PGAP1: variants seen among roughly 807,000 people sequenced by gnomAD.
PGAP1 encodes the protein post-GPI attachment to proteins inositol deacylase 1.
Under a neutral mutation model 127.0 loss-of-function variants are expected in PGAP1, and 76 were observed. The observed-to-expected ratio is 0.60, with a 90% CI of 0.50 to 0.72. The LOEUF (loss-of-function observed/expected upper bound fraction) is 0.72. Among genes scored for constraint, PGAP1 ranks in the 30% least tolerant of loss-of-function variants. The pLI, the probability that PGAP1 is intolerant of heterozygous loss-of-function variation, is 0.00. For synonymous variants in PGAP1, 362 were observed against 366.5 expected (o/e 0.99, Z 0.14); for missense variants, 982 against 1,071.3 (o/e 0.92, Z 1.16).
chr2:196,852,674 G>C (rs374722412), intron 20 of PGAP1, among the ~76,000 whole-genome samples: 5 of 152,146 alleles, frequency 3.3e-5, no homozygotes, highest in African/African-American at 1.2e-4. Context: ...AAACAAGATA[G>C]AAAGGAACCA....
At position 196,898,379 on chromosome 2, in the gene PGAP1, A is replaced by C; in HGVS notation, c.808-10T>G. 6.3e-7 allele frequency: 1 copy of C among 1,598,294 alleles called. No homozygotes were observed. The highest frequency in any genetic ancestry group is 8.6e-7 in the Non-Finnish European group (1 of 1,169,570). ...TAGGCACTGCTGAACTCTAAAAGAA[A>C]AGAAAAAAATAAACTTACGAAAAGC... On this transcript the variant is annotated splice_polypyrimidine_tract_variant and intron_variant, in intron 5 of 26. Coordinates refer to ENST00000354764, the MANE Select transcript of PGAP1 (RefSeq NM_024989.4).
At chr2:196,887,683 G>A (rs1020408068) in intron 10 of PGAP1, among the ~76,000 whole-genome samples, 26 of 152,106 alleles carry the variant, frequency 1.7e-4, no homozygotes, top group Non-Finnish European at 2.5e-4. Context: ...GATGAATCAG[G>A]CAGACATAGT....
chr2:196,858,706 C>T (rs553746136), intron 20 of PGAP1, among the ~76,000 whole-genome samples: 2 of 151,744 alleles, frequency 1.3e-5, no homozygotes, highest in East Asian at 3.9e-4. Flanking sequence ...GAAATTGAGA[C>T]TGAAAAAAAT....
Position 196,840,489 on chromosome 2 carries a change from T to C in PGAP1, c.*745A>G, listed in dbSNP as rs1436865220. The C allele has an allele frequency of 2.0e-5, 3 of 152,184 alleles. No individual in the cohort carries two copies. The highest frequency in any genetic ancestry group is 7.2e-5 in the African/African-American group (3 of 41,452). 9.4% of individuals were successfully genotyped at this position (152,184 alleles called of 1,614,324 possible). On this transcript the variant is annotated 3_prime_UTR_variant, in exon 27 of 27. Transcript: ENST00000354764. ...AGGAAGCAAATAGCTACGAGCATTT[T>C]TTCTTTACATTTAACAGCAGACCTC... is the stretch of plus-strand genomic sequence containing the variant.
chr2:196,834,788 C>T lies in PGAP1; in HGVS notation c.*6446G>A, dbSNP rs531541665. 6.6e-6 allele frequency: 1 copy of T among 151,922 alleles called. No homozygotes were observed. The highest frequency in any genetic ancestry group is 6.5e-5 in the Admixed American group (1 of 15,268). 9.4% of individuals were successfully genotyped at this position (151,922 alleles called of 1,614,324 possible). ...ATGATTATGTTAAATACAGGCATCT[C>T]CTACTTAGAATACAATTATTCAACA... On this transcript the variant is annotated 3_prime_UTR_variant, in exon 27 of 27. Coordinates refer to ENST00000354764, the MANE Select transcript of PGAP1 (RefSeq NM_024989.4).
In PGAP1 at chr2:196,840,939, A is replaced by C. The variant is rs550100039; in HGVS notation, c.*295T>G. 4.5e-4 allele frequency: 109 copies of C among 241,426 alleles called. No individual in the cohort carries two copies. The highest frequency in any genetic ancestry group is 7.4e-4 in the Non-Finnish European group (94 of 126,738). 15.0% of individuals were successfully genotyped at this position (241,426 alleles called of 1,614,324 possible). Reference sequence around the variant, plus strand: ...ATCTCTCATATCAGACTTCTCGTACAGTTGATAAAACAGACTATTTTATAT... The same window carrying C: ...ATCTCTCATATCAGACTTCTCGTACCGTTGATAAAACAGACTATTTTATAT... On this transcript the variant is annotated 3_prime_UTR_variant, in exon 27 of 27. Transcript: ENST00000354764.
intron 20 of PGAP1, among the ~76,000 whole-genome samples, chr2:196,862,034 C>G (rs1384639472): frequency 2.0e-5 from 3 of 151,740 alleles, no homozygotes; most frequent in African/African-American, 7.3e-5. Flanking sequence ...GAAAAAAGAA[C>G]AGGATAACAG....
At position 196,926,493 on chromosome 2, in the gene PGAP1, T is replaced by C. The variant is rs772948939; in HGVS notation, c.124A>G (p.Met42Val). The C allele has an allele frequency of 1.9e-6, 3 of 1,614,062 alleles. No homozygotes were observed. Among genetic ancestry groups the C allele is most frequent in the Non-Finnish European group, 2.5e-6 (3 of 1,179,992 alleles). ...ACCTGATACTCCGGGTACTCAAACA[T>C]GTAGCTCATACTGCACTTATTCTCC... Reference protein sequence around the residue: ...FEENKCSMSYMFEYPEYQKIE... With the variant: ...FEENKCSMSYVFEYPEYQKIE... The change falls in exon 1 of 27, where the codon ATG (methionine) becomes GTG (valine). Residue 42 changes from methionine to valine, a missense_variant. Physicochemically the swap from Met to Val is conservative, Grantham distance 21. Coordinates refer to ENST00000354764, the MANE Select transcript of PGAP1 (RefSeq NM_024989.4).
intron 20 of PGAP1, 139 bp from the exon 21 acceptor site, chr2:196,848,176 G>C (rs574690886): frequency 1.1e-5 from 5 of 434,854 alleles, no homozygotes; most frequent in African/African-American, 4.1e-5. Flanking sequence ...GACTCTTCTT[G>C]AAAGATTAAA....
Position 196,873,721 on chromosome 2 carries a change from G to A in PGAP1, c.1464C>T (p.Gly488=). The A allele has an allele frequency of 6.2e-7, 1 of 1,611,646 alleles. No individual in the cohort carries two copies. Among genetic ancestry groups the A allele is most frequent in the South Asian group, 1.1e-5 (1 of 90,980 alleles). The part of the protein sequence containing the change: ...SSRKVVLNTN[G]LYYNLELLNF... ...TCAGAAGCTCTAGATTGTAGTATAG[G>A]CCATTTGTATTTAACACCACTTTCC... The change falls in exon 15 of 27, where the codon GGC becomes GGT. Residue 488 remains glycine (G), a synonymous_variant. Coordinates refer to ENST00000354764, the MANE Select transcript of PGAP1 (RefSeq NM_024989.4).
chr2:196,874,965 G>A (rs566868172), intron 14 of PGAP1, among the ~76,000 whole-genome samples: 6 of 152,238 alleles, frequency 3.9e-5, no homozygotes, highest in African/African-American at 9.6e-5. Flanking sequence ...GCAGTGAGCT[G>A]GGATCATGCC....
intron 20 of PGAP1, among the ~76,000 whole-genome samples, chr2:196,849,689 A>G (rs375428987): frequency 2.1e-4 from 32 of 152,296 alleles, no homozygotes; most frequent in African/African-American, 7.7e-4. Context: ...CAGACTTGAA[A>G]TTGTATAAAA....
intron 13 of PGAP1, among the ~76,000 whole-genome samples, chr2:196,878,051 T>C (rs1156978585): frequency 6.6e-6 from 1 of 152,048 alleles, no homozygotes. Context: ...CTGGGTGAAA[T>C]AGGAAAAGGG....
At position 196,834,605 on chromosome 2, in the gene PGAP1, T is replaced by G. The variant is rs540680002; in HGVS notation, c.*6629A>C. Reference sequence around the variant, plus strand: ...CTATAATACAATCACTTCAAAATAATATGTCATTTTTATATTTTTAAAAAT... The same window carrying G: ...CTATAATACAATCACTTCAAAATAAGATGTCATTTTTATATTTTTAAAAAT... On this transcript the variant is annotated 3_prime_UTR_variant, in exon 27 of 27. Coordinates refer to ENST00000354764, the MANE Select transcript of PGAP1 (RefSeq NM_024989.4). The G allele has an allele frequency of 6.6e-6, 1 of 152,546 alleles. No individual in the cohort carries two copies. Among genetic ancestry groups the G allele is most frequent in the South Asian group, 2.1e-4 (1 of 4,824 alleles). The allele number at this position is 152,546 out of a possible 1,614,324, so 9.4% of individuals were successfully genotyped here. A position where few individuals can be genotyped will look rare whatever the true frequency, so the allele number is the denominator to read the frequency against.
At chr2:196,850,123 T>G (rs2125781231) in intron 20 of PGAP1, among the ~76,000 whole-genome samples, 1 of 152,328 alleles carries the variant, frequency 6.6e-6, no homozygotes, top group Non-Finnish European at 1.5e-5. Flanking sequence ...CACCCAAGGC[T>G]ACAGCTCCAG....
At chr2:196,900,784 G>A (rs1410781059) in intron 5 of PGAP1, among the ~76,000 whole-genome samples, 1 of 152,066 alleles carries the variant, frequency 6.6e-6, no homozygotes, top group African/African-American at 2.4e-5. Context: ...AAAATTAGCT[G>A]GGCATGGTGG....
At chr2:196,853,551 T>C (rs1361566901) in intron 20 of PGAP1, among the ~76,000 whole-genome samples, 1 of 152,224 alleles carries the variant, frequency 6.6e-6, no homozygotes. Flanking sequence ...TACCCATTCA[T>C]CAGGTTCGTT....
At chr2:196,875,289 A>G (rs1701529124) in intron 14 of PGAP1, among the ~76,000 whole-genome samples, 1 of 152,226 alleles carries the variant, frequency 6.6e-6, no homozygotes, top group Non-Finnish European at 1.5e-5. Context: ...GTTTAAAAAA[A>G]TTGTATTGTG....
intron 21 of PGAP1, 154 bp from the exon 22 acceptor site, chr2:196,847,354 G>T: frequency 1.8e-6 from 1 of 553,484 alleles, no homozygotes; most frequent in South Asian, 2.9e-5. Flanking sequence ...TTCTTTGTAT[G>T]GAACAAGTCA....
Sources: allele counts gnomAD v4.1 joint callset (sites outside exome capture counted in the v4.1 genomes callset), GRCh38; gene constraint gnomAD v4.1.1; transcripts MANE v1.5; gene names NCBI Gene and HGNC (gene_info 2026-07-23, HGNC 2026-07-21).